The following SHOC1 variants were observed in gnomAD, a reference collection of about 807,000 sequenced individuals.
The protein encoded by SHOC1 is shortage in chiasmata 1, also known as protein shortage in chiasmata 1 ortholog.
Under a neutral mutation model 179.2 loss-of-function variants are expected in SHOC1, and 136 were observed. That is an observed-to-expected ratio of 0.76 (90% CI 0.66 to 0.87). SHOC1 has a LOEUF of 0.87. Ranked by LOEUF, SHOC1 falls within the 40% of genes least tolerant of loss-of-function variation. SHOC1 has a pLI of 0.00. For missense variants in SHOC1, 1,538 were observed against 1,700.8 expected, an observed-to-expected ratio of 0.90 and a Z score of 1.68; for synonymous variants, 489 against 586.6, an observed-to-expected ratio of 0.83 and a Z score of 2.41.
chr9:111,744,299 T>C (rs1006857034), intron 10 of SHOC1, among the ~76,000 whole-genome samples: 4 of 152,206 alleles, frequency 2.6e-5, no homozygotes, highest in African/African-American at 9.7e-5. Context: ...TAAAAGTATT[T>C]AAACAAAGTG....
chr9:111,780,797 C>T, intron 4 of SHOC1, 133 bp downstream of exon 4: 1 of 577,384 alleles, frequency 1.7e-6, no homozygotes, highest in Non-Finnish European at 3.0e-6. Flanking sequence ...CAAATTAGGA[C>T]CTTTTCTTCA....
chr9:111,785,765 A>G (rs1340636422), intron 3 of SHOC1, 147 bp downstream of exon 3: 5 of 551,428 alleles, frequency 9.1e-6, no homozygotes, highest in Non-Finnish European at 1.4e-5. Context: ...ATAATAAAAT[A>G]CTAAGTTGTT....
chr9:111,697,713 G>T (rs1831769002), intron 24 of SHOC1, among the ~76,000 whole-genome samples: 1 of 152,126 alleles, frequency 6.6e-6, no homozygotes, highest in African/African-American at 2.4e-5. Flanking sequence ...ACCCAGTAAT[G>T]GTATGGCTGG....
rs186938042 is a variant in SHOC1 at position 111,774,740 on chromosome 9, T to G, written c.442+1051A>C. ...CACAGCTATTTGCCAATGCTAAAAA[T>G]TTTATACATAATTTATATATCTACA... On this transcript the variant is annotated intron_variant, in intron 5 of 27. Transcript: ENST00000682961. Among the ~76,000 whole-genome samples the G allele has an allele frequency of 1.7e-3, 263 of 152,216 alleles. 1 individual carries two copies. The highest frequency in any genetic ancestry group is 2.8e-3 in the Non-Finnish European group (193 of 68,008).
chr9:111,788,234 A>AT (rs1469891437), intron 2 of SHOC1, among the ~76,000 whole-genome samples: 3 of 54,128 alleles, frequency 5.5e-5, no homozygotes, highest in Non-Finnish European at 7.6e-5. Context: ...AAAAATGAGA[A>AT]TAAAAAAAAA....
chr9:111,736,587 T>G (rs1264353511), intron 12 of SHOC1, among the ~76,000 whole-genome samples: 2 of 152,196 alleles, frequency 1.3e-5, no homozygotes, highest in African/African-American at 2.4e-5. Context: ...CATATTTACA[T>G]GTGAGACCTT....
At chr9:111,792,084 C>A (rs1477708816) in intron 1 of SHOC1, among the ~76,000 whole-genome samples, 1 of 152,142 alleles carries the variant, frequency 6.6e-6, no homozygotes, top group African/African-American at 2.4e-5. Flanking sequence ...TTTCTAGTAG[C>A]TAGCTCATTT....
intron 10 of SHOC1, among the ~76,000 whole-genome samples, chr9:111,743,708 C>G (rs1188873719): frequency 1.3e-5 from 2 of 152,098 alleles, no homozygotes; most frequent in South Asian, 2.1e-4. Context: ...ATAAATTAAA[C>G]TTTATCATAG....
chr9:111,697,056 T>A (rs1831730375), intron 24 of SHOC1, among the ~76,000 whole-genome samples: 1 of 152,196 alleles, frequency 6.6e-6, no homozygotes, highest in African/African-American at 2.4e-5. Context: ...AGAGCATCAT[T>A]CTTACCCATC....
At chr9:111,709,495 G>GA (rs1421138669) in intron 18 of SHOC1, among the ~76,000 whole-genome samples, 31 of 149,332 alleles carry the variant, frequency 2.1e-4, no homozygotes, top group Admixed American at 1.3e-3. Flanking sequence ...ACACTAGGCA[G>GA]AAAAATAAAA....
chr9:111,761,849 T>C (rs573292073), intron 5 of SHOC1, among the ~76,000 whole-genome samples: 1 of 152,252 alleles, frequency 6.6e-6, no homozygotes, highest in East Asian at 1.9e-4. Flanking sequence ...AGTAAAAATA[T>C]AATTTTTTTG....
intron 5 of SHOC1, among the ~76,000 whole-genome samples, chr9:111,773,963 A>T (rs1237454645): frequency 6.6e-6 from 1 of 152,174 alleles, no homozygotes; most frequent in African/African-American, 2.4e-5. Flanking sequence ...GAAAATAAAT[A>T]AAATTAAAAA....
intron 12 of SHOC1, among the ~76,000 whole-genome samples, chr9:111,735,548 G>T (rs998372561): frequency 6.6e-5 from 10 of 152,246 alleles, no homozygotes; most frequent in African/African-American, 2.2e-4. Flanking sequence ...GTATTCCATG[G>T]TGTATTATGT....
chr9:111,691,835 G>C lies in SHOC1; in HGVS notation c.4142C>G (p.Thr1381Ser). 6.2e-7 allele frequency: 1 copy of C among 1,613,594 alleles called. No homozygotes were observed. The highest frequency in any genetic ancestry group is 8.5e-7 in the Non-Finnish European group (1 of 1,179,832). Residue 1381 changes from threonine to serine, a missense_variant, in exon 27 of 28, where the codon ACT (threonine) becomes AGT (serine). By Grantham distance (58) the Thr-to-Ser change is moderately conservative. Transcript: ENST00000682961. The part of the protein sequence containing the change: ...PFNLQYGAQQ[T>S]ACNKLYSQKG... ...CTGAGAGTACAATTTGTTACATGCAGTCTGCTGTGCACCATATTGTAAGTT... is the reference window on the plus strand; with the variant it reads ...CTGAGAGTACAATTTGTTACATGCACTCTGCTGTGCACCATATTGTAAGTT...
intron 4 of SHOC1, among the ~76,000 whole-genome samples, chr9:111,776,607 T>C (rs1835843719): frequency 6.6e-6 from 1 of 152,176 alleles, no homozygotes; most frequent in Admixed American, 6.5e-5. Context: ...GGCTTCTAGA[T>C]GGGTTCAGCC....
intron 21 of SHOC1, among the ~76,000 whole-genome samples, chr9:111,704,445 C>G (rs572949038): frequency 6.6e-6 from 1 of 152,194 alleles, no homozygotes; most frequent in East Asian, 1.9e-4. Flanking sequence ...TGCAGTGGTG[C>G]TATCATGGCT....
intron 9 of SHOC1, among the ~76,000 whole-genome samples, chr9:111,747,726 A>G (rs1243786492): frequency 6.6e-6 from 1 of 152,044 alleles, no homozygotes; most frequent in African/African-American, 2.4e-5. Context: ...GATTACAGCC[A>G]TGTGTCACCA....
intron 4 of SHOC1, among the ~76,000 whole-genome samples, chr9:111,778,061 G>T (rs973486248): frequency 6.6e-6 from 1 of 152,026 alleles, no homozygotes; most frequent in African/African-American, 2.4e-5. Context: ...GCAATAATTG[G>T]TACTACAGTT....
chr9:111,703,898 T>C lies in SHOC1; in HGVS notation c.2950A>G (p.Thr984Ala), dbSNP rs1420551923. Residue 984 changes from threonine to alanine, a missense_variant, in exon 22 of 28, where the codon ACT becomes GCT. By Grantham distance (58) the Thr-to-Ala change is moderately conservative. Transcript: ENST00000682961. ...AGTTTTACCTGCAAAATTATGGCAG[T>C]GTGTTCATCAATTGTCACCACTACA... ...CYVVVTIDEH[T>A]AIILQDLEEL... 1.3e-6 allele frequency: 2 copies of C among 1,595,724 alleles called. No individual in the cohort carries two copies. Among genetic ancestry groups the C allele is most frequent in the Non-Finnish European group, 1.7e-6 (2 of 1,166,996 alleles).
Sources: allele counts gnomAD v4.1 joint callset (sites outside exome capture counted in the v4.1 genomes callset), GRCh38; gene constraint gnomAD v4.1.1; transcripts MANE v1.5; gene names NCBI Gene and HGNC (gene_info 2026-07-23, HGNC 2026-07-21).